COL4A4: variants seen among roughly 807,000 people sequenced by gnomAD.
COL4A4 encodes the protein collagen alpha-4(IV) chain.
Under a neutral mutation model 192.9 loss-of-function variants are expected in COL4A4, and 105 were observed. The observed-to-expected ratio is 0.54, with a 90% CI of 0.46 to 0.64. The LOEUF (loss-of-function observed/expected upper bound fraction) is 0.64, where lower values mean the gene tolerates loss of function less well. COL4A4 is among the 30% of genes least tolerant of loss of function. The probability of loss-of-function intolerance (pLI) is 0.00; values close to 1 mark genes in which losing one functional copy is unlikely to be tolerated. For missense variants in COL4A4, 1,967 were observed against 2,169.3 expected (o/e 0.91, Z 1.85); for synonymous variants, 762 against 769.9 (o/e 0.99, Z 0.17).
the COL4A4 span, among the ~76,000 whole-genome samples, chr2:226,982,438 G>C: frequency 6.6e-6 from 1 of 152,166 alleles, no homozygotes; most frequent in Admixed American, 6.5e-5. Context: ...TACTAATCAG[G>C]CTTATGGTAG....
At chr2:227,154,137 G>A (rs2125472274) in intron 1 of COL4A4, among the ~76,000 whole-genome samples, 1 of 152,308 alleles carries the variant, frequency 6.6e-6, no homozygotes, top group Non-Finnish European at 1.5e-5. Flanking sequence ...TTTCCAGCAT[G>A]TACATTCAGC....
At chr2:227,007,705 A>C (rs187932391) in intron 47 of COL4A4, 117 bp from the exon 48 acceptor site, 1 of 1,381,972 alleles carries the variant, frequency 7.2e-7, no homozygotes, top group East Asian at 2.4e-5. Context: ...ATTATTCCAT[A>C]AAGAACAAAA....
rs1387537859 is a variant in COL4A4 at position 227,077,914 on chromosome 2, T to G, written c.1967A>C (p.Asp656Ala). 1 of 1,613,390 alleles carries G rather than the reference T, an allele frequency of 6.2e-7. No homozygotes were observed. The highest frequency in any genetic ancestry group is 2.2e-5 in the East Asian group (1 of 44,868). Reference sequence around the variant, plus strand: ...ATTACCTTTCTGACCCTTCAAGCCATCAGGGCCCCTCACACCTGGGTGGCC... The same window carrying G: ...ATTACCTTTCTGACCCTTCAAGCCAGCAGGGCCCCTCACACCTGGGTGGCC... ...VPGHPGVRGP[D>A]GLKGQKGDTI... The change falls in exon 25 of 48, where the codon GAT becomes GCT. Residue 656 changes from aspartate (D) to alanine (A), a missense_variant. Physicochemically the swap from Asp to Ala is moderately radical, Grantham distance 126. Coordinates refer to ENST00000396625, the MANE Select transcript of COL4A4 (RefSeq NM_000092.5).
intron 44 of COL4A4, among the ~76,000 whole-genome samples, chr2:227,013,808 C>T (rs1450158400): frequency 6.6e-6 from 1 of 152,180 alleles, no homozygotes; most frequent in Non-Finnish European, 1.5e-5. Flanking sequence ...CCTCCAGTGA[C>T]TGGGGGATGA....
intron 25 of COL4A4, among the ~76,000 whole-genome samples, chr2:227,070,434 G>A (rs1428322225): frequency 6.6e-6 from 1 of 152,032 alleles, no homozygotes; most frequent in Non-Finnish European, 1.5e-5. Flanking sequence ...GTTTATTGCG[G>A]CATTATTCAC....
chr2:227,108,796 A>G (rs2061005657), intron 11 of COL4A4, 37 bp downstream of exon 11: 2 of 1,605,466 alleles, frequency 1.2e-6, no homozygotes, highest in Non-Finnish European at 1.7e-6. Context: ...TTCATTGTTC[A>G]GGGCTCTATT....
chr2:226,984,991 G>T, the COL4A4 span, among the ~76,000 whole-genome samples: 1 of 151,192 alleles, frequency 6.6e-6, no homozygotes, highest in Non-Finnish European at 1.5e-5. Flanking sequence ...CAAGTGGGGG[G>T]TTTGAGTGAA....
intron 25 of COL4A4, among the ~76,000 whole-genome samples, chr2:227,066,908 A>C (rs1008459393): frequency 4.6e-5 from 7 of 151,296 alleles, no homozygotes; most frequent in Non-Finnish European, 1.0e-4. Flanking sequence ...TCCAATTAAA[A>C]GACACAGACT....
At position 227,095,677 on chromosome 2, in the gene COL4A4, C is replaced by T. The variant is rs193055594; in HGVS notation, c.1205-1388G>A. 1.9e-3 allele frequency among the ~76,000 whole-genome samples: 287 copies of T among 152,284 alleles called. 1 individual carries two copies. Among genetic ancestry groups the T allele is most frequent in the African/African-American group, 6.5e-3 (271 of 41,566 alleles). ...TGGGAGGCCGAGGCAGGCAGATCAC[C>T]TGAGGTCAGGAGTTTGAGACTAGCC... On this transcript the variant is annotated intron_variant, in intron 19 of 47. Transcript: ENST00000396625.
chr2:227,041,571 G>A (rs1258923781), intron 37 of COL4A4, among the ~76,000 whole-genome samples: 1 of 150,984 alleles, frequency 6.6e-6, no homozygotes, highest in East Asian at 1.9e-4. Context: ...AACCTGGGAG[G>A]TGGAGGTTGC....
intron 4 of COL4A4, among the ~76,000 whole-genome samples, chr2:227,131,582 C>T (rs747858358): frequency 2.0e-4 from 30 of 152,170 alleles, no homozygotes; most frequent in Non-Finnish European, 2.8e-4. Flanking sequence ...AGGGCTCAAG[C>T]GGAGGCTGTT....
At chr2:227,161,804 C>T (rs1000366390) in intron 1 of COL4A4, among the ~76,000 whole-genome samples, 1 of 152,026 alleles carries the variant, frequency 6.6e-6, no homozygotes, top group Non-Finnish European at 1.5e-5. Flanking sequence ...GTTCTAGAGG[C>T]CTTGGAAGTG....
rs912929924 is a variant in COL4A4 at position 227,035,664 on chromosome 2, C to T, written c.3506-2183G>A. On this transcript the variant is annotated intron_variant, in intron 37 of 47. Coordinates refer to ENST00000396625, the MANE Select transcript of COL4A4 (RefSeq NM_000092.5). ...ATGAGCCAACGTTTCAAGTTTGCAC[C>T]AAAAGAACACACAGACCTTCTTTAT... is the stretch of plus-strand genomic sequence containing the variant. Among the ~76,000 whole-genome samples the T allele has an allele frequency of 4.6e-5, 7 of 152,166 alleles. No homozygotes were observed. In the East Asian group the frequency reaches 1.4e-3, roughly 29 times the overall value.
chr2:227,085,008 G>A (rs2059514694), intron 22 of COL4A4, among the ~76,000 whole-genome samples: 1 of 151,252 alleles, frequency 6.6e-6, no homozygotes, highest in Non-Finnish European at 1.5e-5. Flanking sequence ...GTACATGCCT[G>A]TAGTCTCAGC....
chr2:227,073,829 A>G (rs1195531699), intron 25 of COL4A4, among the ~76,000 whole-genome samples: 1 of 152,070 alleles, frequency 6.6e-6, no homozygotes, highest in Non-Finnish European at 1.5e-5. Context: ...GATGCTGGGA[A>G]AACTGCCAAG....
At chr2:226,974,814 C>A in the COL4A4 span, among the ~76,000 whole-genome samples, 3 of 152,158 alleles carry the variant, frequency 2.0e-5, no homozygotes, top group African/African-American at 4.8e-5. Context: ...ACAGTGCTCA[C>A]GGTGTCATCG....
the COL4A4 span, among the ~76,000 whole-genome samples, chr2:226,967,780 A>C: frequency 6.6e-6 from 1 of 151,976 alleles, no homozygotes; most frequent in Non-Finnish European, 1.5e-5. Context: ...TGTGTGTGAG[A>C]GGGCTTTTGG....
intron 38 of COL4A4, 69 bp downstream of exon 38, chr2:227,033,341 G>A (rs1968829336): frequency 1.5e-6 from 2 of 1,304,038 alleles, no homozygotes; most frequent in African/African-American, 2.9e-5. Context: ...AAATACCAGG[G>A]AGGGTACCAC....
At chr2:226,991,746 T>A in the COL4A4 span, among the ~76,000 whole-genome samples, 1 of 152,166 alleles carries the variant, frequency 6.6e-6, no homozygotes, top group Non-Finnish European at 1.5e-5. Flanking sequence ...TTGCTCAAGG[T>A]TGTGTAGCTA....
Sources: gnomAD v4.1 joint callset for allele counts (sites outside exome capture counted in the v4.1 genomes callset) on GRCh38, gnomAD v4.1.1 for gene constraint, MANE v1.5 for transcripts, NCBI Gene and HGNC (gene_info 2026-07-23, HGNC 2026-07-21) for gene names.